Variants in SGCZ observed in about 807,000 individuals in gnomAD.
SGCZ encodes sarcoglycan zeta, also known as zeta-sarcoglycan.
In SGCZ, 40 loss-of-function variants were observed where a neutral mutation model predicts 41.3. The ratio of observed to expected loss-of-function variants is 0.97; its 90% CI spans 0.75 to 1.26. The LOEUF (loss-of-function observed/expected upper bound fraction) is 1.26, where lower values mean the gene tolerates loss of function less well. Among genes scored for constraint, SGCZ ranks in the 50% most tolerant of loss-of-function variants. The pLI is 0.00. For missense variants in SGCZ, 552 were observed against 369.8 expected (o/e 1.49, Z -4.04); for synonymous variants, 206 against 137.5 (o/e 1.50, Z -3.49).
intron 2 of SGCZ, among the ~76,000 whole-genome samples, chr8:14,341,303 G>C (rs1195656093): frequency 1.3e-5 from 2 of 152,174 alleles, no homozygotes; most frequent in African/African-American, 2.4e-5. Context: ...CAGATTTGCT[G>C]CATCATGTGG....
intron 1 of SGCZ, among the ~76,000 whole-genome samples, chr8:14,629,292 C>G (rs1585137837): frequency 6.6e-6 from 1 of 151,116 alleles, no homozygotes; most frequent in African/African-American, 2.4e-5. Context: ...TTAATGCCCA[C>G]AAAAAGTTAT....
At position 15,004,524 on chromosome 8, in the gene SGCZ, C is replaced by G. The variant is rs141113664; in HGVS notation, c.39+233061G>C. Among the ~76,000 whole-genome samples the G allele has an allele frequency of 3.8e-3, 572 of 152,266 alleles. 4 individuals carry two copies. The highest frequency in any genetic ancestry group is 0.013 in the African/African-American group (520 of 41,552). On this transcript the variant is annotated intron_variant, in intron 1 of 7. Transcript: ENST00000382080. ...GGAATTTCAAGAAAAAATCTGACAT[C>G]ATAAAAACCCAATGCAGAACTCCTG... is the stretch of plus-strand genomic sequence containing the variant.
At chr8:15,037,511 T>C (rs944929119) in intron 1 of SGCZ, among the ~76,000 whole-genome samples, 1 of 152,162 alleles carries the variant, frequency 6.6e-6, no homozygotes, top group Non-Finnish European at 1.5e-5. Flanking sequence ...ACCTACAGCT[T>C]ATGTTATACT....
At chr8:15,212,703 AG>A (rs1280020790) in intron 1 of SGCZ, among the ~76,000 whole-genome samples, 5 of 152,106 alleles carry the variant, frequency 3.3e-5, no homozygotes, top group Non-Finnish European at 7.4e-5. Flanking sequence ...AGGCTTGTGA[AG>A]TCCTTAGAGG....
At chr8:14,739,918 G>A (rs1271290314) in intron 1 of SGCZ, among the ~76,000 whole-genome samples, 1 of 151,932 alleles carries the variant, frequency 6.6e-6, no homozygotes, top group African/African-American at 2.4e-5. Context: ...CCACCAAATA[G>A]AGGAGGCGTA....
chr8:14,968,079 A>G (rs147690739), intron 1 of SGCZ, among the ~76,000 whole-genome samples: 1 of 152,334 alleles, frequency 6.6e-6, no homozygotes, highest in African/African-American at 2.4e-5. Flanking sequence ...AATAAGCATA[A>G]GAATAAAATG....
chr8:14,875,965 G>GA (rs1307192708), intron 1 of SGCZ, among the ~76,000 whole-genome samples: 1 of 152,114 alleles, frequency 6.6e-6, no homozygotes, highest in Admixed American at 6.6e-5. Context: ...AAAACAATGG[G>GA]AAAATCAGCC....
intron 1 of SGCZ, among the ~76,000 whole-genome samples, chr8:14,702,031 T>G (rs559079177): frequency 6.6e-6 from 1 of 152,048 alleles, no homozygotes; most frequent in South Asian, 2.1e-4. Flanking sequence ...TGTCTCCACC[T>G]TCTTCAGTCT....
chr8:15,043,048 G>T (rs1157817926), intron 1 of SGCZ, among the ~76,000 whole-genome samples: 1 of 152,092 alleles, frequency 6.6e-6, no homozygotes, highest in African/African-American at 2.4e-5. Context: ...AACCCATGGA[G>T]CACCACTGTC....
chr8:14,378,494 C>A (rs929586028), intron 2 of SGCZ, among the ~76,000 whole-genome samples: 1 of 152,090 alleles, frequency 6.6e-6, no homozygotes. Flanking sequence ...AAACAGGCAA[C>A]CTACAAAATG....
intron 7 of SGCZ, among the ~76,000 whole-genome samples, chr8:14,098,239 C>T (rs982638584): frequency 2.0e-5 from 3 of 152,042 alleles, no homozygotes; most frequent in African/African-American, 4.8e-5. Flanking sequence ...ATATATTACC[C>T]CATAGTTACT....
intron 3 of SGCZ, among the ~76,000 whole-genome samples, chr8:14,269,744 A>C (rs1327296341): frequency 6.6e-6 from 1 of 152,116 alleles, no homozygotes; most frequent in Admixed American, 6.6e-5. Flanking sequence ...TGTACAAATG[A>C]GATATGAAGA....
intron 3 of SGCZ, among the ~76,000 whole-genome samples, chr8:14,256,816 C>A (rs554247060): frequency 7.2e-4 from 109 of 152,268 alleles, no homozygotes; most frequent in Non-Finnish European, 1.3e-3. Flanking sequence ...GCTATATCAT[C>A]AAACTGTCTA....
intron 1 of SGCZ, among the ~76,000 whole-genome samples, chr8:14,614,737 G>C (rs1585126594): frequency 6.6e-6 from 1 of 151,960 alleles, no homozygotes; most frequent in East Asian, 1.9e-4. Flanking sequence ...AGACTAATAA[G>C]TAGTTTTTGA....
intron 1 of SGCZ, among the ~76,000 whole-genome samples, chr8:14,620,159 G>C (rs556462824): frequency 6.6e-6 from 1 of 152,160 alleles, no homozygotes; most frequent in South Asian, 2.1e-4. Context: ...TCTGATCTTT[G>C]ACAAACCTGA....
intron 3 of SGCZ, among the ~76,000 whole-genome samples, chr8:14,286,028 T>A (rs1366429864): frequency 6.6e-6 from 1 of 152,148 alleles, no homozygotes; most frequent in African/African-American, 2.4e-5. Context: ...TAATAGGAAC[T>A]ATTTATTTAG....
intron 3 of SGCZ, among the ~76,000 whole-genome samples, chr8:14,284,567 CTT>C (rs1219386481): frequency 6.6e-6 from 1 of 152,092 alleles, no homozygotes; most frequent in African/African-American, 2.4e-5. Flanking sequence ...TACAGATAAT[CTT>C]TGTCTTCTAA....
At chr8:14,249,435 C>T (rs1295335278) in intron 3 of SGCZ, among the ~76,000 whole-genome samples, 1 of 152,046 alleles carries the variant, frequency 6.6e-6, no homozygotes, top group East Asian at 1.9e-4. Context: ...ATTTATTGGT[C>T]TGTTTCTCTA....
intron 1 of SGCZ, among the ~76,000 whole-genome samples, chr8:15,056,498 T>G (rs564027934): frequency 6.6e-6 from 1 of 151,810 alleles, no homozygotes; most frequent in African/African-American, 2.4e-5. Flanking sequence ...GATGAATACA[T>G]GAATGATGTT....
Sources: allele counts gnomAD v4.1 joint callset (sites outside exome capture counted in the v4.1 genomes callset), GRCh38; gene constraint gnomAD v4.1.1; transcripts MANE v1.5; gene names NCBI Gene and HGNC (gene_info 2026-07-23, HGNC 2026-07-21).